The following GABRB2 variants were observed in gnomAD, a reference collection of about 807,000 sequenced individuals.
GABRB2 encodes gamma-aminobutyric acid type A receptor subunit beta2, also known as gamma-aminobutyric acid receptor subunit beta-2.
A neutral mutation model predicts 54.7 loss-of-function variants in GABRB2; 16 were observed. The ratio of observed to expected loss-of-function variants is 0.29; its 90% CI spans 0.20 to 0.44. The LOEUF is 0.44. GABRB2 is among the 20% of genes least tolerant of loss of function. The pLI is 1.00. For synonymous variants in GABRB2, 244 were observed against 233.8 expected (o/e 1.04, Z -0.40); for missense variants, 355 against 644.0 (o/e 0.55, Z 4.86).
rs1047854987 is a variant in GABRB2 at position 161,291,745 on chromosome 5, T to C, written c.*2336A>G. On this transcript the variant is annotated 3_prime_UTR_variant, in exon 10 of 10. Coordinates refer to ENST00000393959, the MANE Select transcript of GABRB2 (RefSeq NM_001371727.1). ...TAAATGGCAATATCAAAGATTTTTA[T>C]GGCTTGTACAGTGATTGCACATAAG... 2.0e-5 allele frequency: 3 copies of C among 152,758 alleles called. No individual in the cohort carries two copies. The East Asian group carries it at 5.8e-4, about 29-fold the overall frequency. 9.5% of individuals were successfully genotyped at this position (152,758 alleles called of 1,614,324 possible). A position where few individuals can be genotyped will look rare whatever the true frequency, so the allele number is the denominator to read the frequency against.
At chr5:161,480,931 A>C (rs1758744172) in intron 3 of GABRB2, among the ~76,000 whole-genome samples, 1 of 152,066 alleles carries the variant, frequency 6.6e-6, no homozygotes, top group South Asian at 2.1e-4. Flanking sequence ...ATTATCAATT[A>C]AGATAAAGGG....
chr5:161,348,961 G>C (rs962654759), intron 5 of GABRB2, among the ~76,000 whole-genome samples: 3 of 152,028 alleles, frequency 2.0e-5, no homozygotes, highest in African/African-American at 7.2e-5. Context: ...CTACTGAAAG[G>C]CCAATGTATG....
chr5:161,317,151 G>A (rs1392710230), intron 9 of GABRB2, among the ~76,000 whole-genome samples: 1 of 151,988 alleles, frequency 6.6e-6, no homozygotes, highest in Non-Finnish European at 1.5e-5. Context: ...ACACTCACAC[G>A]CTTATGTATT....
intron 5 of GABRB2, among the ~76,000 whole-genome samples, chr5:161,351,501 A>G (rs565916653): frequency 6.6e-6 from 1 of 152,250 alleles, no homozygotes; most frequent in African/African-American, 2.4e-5. Context: ...GCATATGCAG[A>G]AGAATGAAAT....
chr5:161,314,063 G>A (rs536672121), intron 9 of GABRB2, among the ~76,000 whole-genome samples: 21 of 152,358 alleles, frequency 1.4e-4, no homozygotes, highest in Non-Finnish European at 2.4e-4. Context: ...CGGGAATGCA[G>A]CCCATGTCTG....
intron 9 of GABRB2, among the ~76,000 whole-genome samples, chr5:161,299,865 A>G (rs1419542950): frequency 6.6e-6 from 1 of 152,202 alleles, no homozygotes; most frequent in African/African-American, 2.4e-5. Flanking sequence ...GAGGCATTTA[A>G]TTTATAACAA....
At chr5:161,546,758 A>G, upstream of GABRB2, 11 of 1,512,770 alleles carry the variant, frequency 7.3e-6, no homozygotes, top group Non-Finnish European at 8.8e-6. Context: ...CAAAACATCA[A>G]AGGGGAAGCG....
chr5:161,509,999 G>T (rs1759717053), intron 3 of GABRB2, among the ~76,000 whole-genome samples: 1 of 151,516 alleles, frequency 6.6e-6, no homozygotes, highest in Admixed American at 6.6e-5. Flanking sequence ...AATTTTTGTG[G>T]TATACATAGT....
intron 3 of GABRB2, among the ~76,000 whole-genome samples, chr5:161,465,931 A>T (rs949721261): frequency 5.9e-5 from 9 of 152,056 alleles, no homozygotes; most frequent in African/African-American, 2.2e-4. Flanking sequence ...TTAACTACAG[A>T]CCTTATTACA....
rs543654946 is a variant in GABRB2 at position 161,396,879 on chromosome 5, T to C, written c.541+14096A>G. ...AATCTCAACACTTCCAAATGTAACT[T>C]TGAAATTCTTTAAGCCCCAGTCTCC... On this transcript the variant is annotated intron_variant, in intron 5 of 9. Coordinates refer to ENST00000393959, the MANE Select transcript of GABRB2 (RefSeq NM_001371727.1). Among the ~76,000 whole-genome samples, 8 of 152,274 alleles carry C rather than the reference T, an allele frequency of 5.3e-5. No homozygotes were observed. In the South Asian group the frequency reaches 6.2e-4, roughly 12 times the overall value.
intron 9 of GABRB2, among the ~76,000 whole-genome samples, chr5:161,295,375 A>G (rs902656070): frequency 6.6e-6 from 1 of 152,228 alleles, no homozygotes; most frequent in African/African-American, 2.4e-5. Context: ...TCTTGTGTTA[A>G]GAAGGGAAGA....
chr5:161,346,346 C>A (rs13159332), intron 5 of GABRB2, among the ~76,000 whole-genome samples: 2 of 151,866 alleles, frequency 1.3e-5, no homozygotes, highest in Non-Finnish European at 2.9e-5. Context: ...TGTTCCCTGG[C>A]GAAAAGTGGA....
intron 3 of GABRB2, among the ~76,000 whole-genome samples, chr5:161,479,899 A>T (rs947506590): frequency 6.6e-6 from 1 of 151,986 alleles, no homozygotes; most frequent in Admixed American, 6.6e-5. Flanking sequence ...AAACTTCTTT[A>T]TAAAGTACCT....
intron 8 of GABRB2, chr5:161,330,264 T>C (rs1753792782): frequency 6.6e-6 from 1 of 152,246 alleles, no homozygotes; most frequent in Non-Finnish European, 1.5e-5. Flanking sequence ...TGATAAGTGG[T>C]ATATGTGCAA....
intron 3 of GABRB2, among the ~76,000 whole-genome samples, chr5:161,499,884 C>A (rs2113375034): frequency 6.6e-6 from 1 of 152,096 alleles, no homozygotes; most frequent in African/African-American, 2.4e-5. Flanking sequence ...AGTACTATAT[C>A]TTGTAGCCCT....
chr5:161,431,559 T>G (rs1313474275), intron 4 of GABRB2, among the ~76,000 whole-genome samples: 5 of 152,298 alleles, frequency 3.3e-5, no homozygotes, highest in Non-Finnish European at 7.4e-5. Context: ...TCCATAACAA[T>G]AAATAACATG....
chr5:161,469,164 G>GT (rs553373614), intron 3 of GABRB2, among the ~76,000 whole-genome samples: 6 of 151,638 alleles, frequency 4.0e-5, no homozygotes, highest in African/African-American at 1.2e-4. Flanking sequence ...GTTAATCTGT[G>GT]TTTTTTTAGG....
At chr5:161,370,054 G>A (rs1755088873) in intron 5 of GABRB2, among the ~76,000 whole-genome samples, 1 of 152,106 alleles carries the variant, frequency 6.6e-6, no homozygotes, top group South Asian at 2.1e-4. Flanking sequence ...AGTTCAGTAT[G>A]ATGAAACTTT....
intron 4 of GABRB2, among the ~76,000 whole-genome samples, chr5:161,451,384 G>C (rs1267769671): frequency 6.6e-6 from 1 of 152,022 alleles, no homozygotes; most frequent in Non-Finnish European, 1.5e-5. Context: ...TTTTTAGATG[G>C]GTCAGCTACA....
Sources: gnomAD v4.1 joint callset for allele counts (sites outside exome capture counted in the v4.1 genomes callset) on GRCh38, gnomAD v4.1.1 for gene constraint, MANE v1.5 for transcripts, NCBI Gene and HGNC (gene_info 2026-07-23, HGNC 2026-07-21) for gene names.